Variants in ZFHX3 observed in about 807,000 individuals in gnomAD.
ZFHX3 encodes the protein zinc finger homeobox protein 3.
ZFHX3 carries 42 observed loss-of-function variants against 279.1 expected under a neutral mutation model. The ratio of observed to expected loss-of-function variants is 0.15; its 90% CI spans 0.12 to 0.19. ZFHX3 has a LOEUF of 0.19. Ranked by LOEUF, ZFHX3 falls within the 10% of genes least tolerant of loss-of-function variation. ZFHX3 has a pLI of 1.00. For missense variants in ZFHX3, 4,981 were observed against 4,754.0 expected (o/e 1.05, Z -1.40); for synonymous variants, 2,293 against 1,957.8 (o/e 1.17, Z -4.52).
chr16:73,688,254 G>A (rs2053111572), intron 1 of ZFHX3, among the ~76,000 whole-genome samples: 3 of 151,698 alleles, frequency 2.0e-5, no homozygotes, highest in Admixed American at 2.0e-4. Context: ...CTACTCAGGA[G>A]GCTGAGGCAG....
At chr16:73,010,293 G>C (rs1315263898) in intron 1 of ZFHX3, among the ~76,000 whole-genome samples, 2 of 152,164 alleles carry the variant, frequency 1.3e-5, no homozygotes, top group Non-Finnish European at 2.9e-5. Flanking sequence ...GCCAAATGGA[G>C]TTCAAGACTC....
chr16:73,187,928 G>A (rs568652067), intron 5 of ZFHX3, among the ~76,000 whole-genome samples: 54 of 151,428 alleles, frequency 3.6e-4, no homozygotes, highest in African/African-American at 1.3e-3. Context: ...GCGTGATCTC[G>A]GCTCACTGCA....
At chr16:73,782,930 C>G (rs973964652) in intron 1 of ZFHX3, among the ~76,000 whole-genome samples, 3 of 152,224 alleles carry the variant, frequency 2.0e-5, no homozygotes, top group Non-Finnish European at 4.4e-5. Flanking sequence ...ACAACCTAAT[C>G]TATTCCAACT....
chr16:73,459,812 C>T (rs1026516360), intron 2 of ZFHX3, among the ~76,000 whole-genome samples: 4 of 152,014 alleles, frequency 2.6e-5, no homozygotes, highest in African/African-American at 9.7e-5. Flanking sequence ...GGGGAAAGAG[C>T]CCCTTACAAA....
At chr16:73,174,424 A>C (rs1967612947) in intron 5 of ZFHX3, among the ~76,000 whole-genome samples, 1 of 152,168 alleles carries the variant, frequency 6.6e-6, no homozygotes, top group African/African-American at 2.4e-5. Flanking sequence ...AATTTCAAGG[A>C]ATCTATTCCG....
chr16:73,869,963 G>A (rs961055645), intron 1 of ZFHX3, among the ~76,000 whole-genome samples: 6 of 152,142 alleles, frequency 3.9e-5, no homozygotes, highest in African/African-American at 9.7e-5. Flanking sequence ...TCCAATTCTC[G>A]TGTATCTTCT....
intron 1 of ZFHX3, among the ~76,000 whole-genome samples, chr16:73,801,981 G>T (rs558340490): frequency 6.6e-6 from 1 of 152,086 alleles, no homozygotes; most frequent in African/African-American, 2.4e-5. Context: ...TCTCCTCGCC[G>T]TTAGAGGAAC....
rs535447521 is a variant in ZFHX3, at chr16:72,983,694, A to G, written c.-49-23500T>C. Among the ~76,000 whole-genome samples, 20 of 151,738 alleles carry G rather than the reference A, an allele frequency of 1.3e-4. 1 individual carries two copies. In the South Asian group the frequency reaches 1.5e-3, roughly 11 times the overall value. ...TGCACTCCAGCCTGGGTGACAGATC[A>G]AGATCTTGTCTCAGAAAAAAAAAAA... On this transcript the variant is annotated intron_variant, in intron 1 of 9. Transcript: ENST00000268489.
At chr16:73,555,841 AAAAAG>A (rs1322732055) in intron 2 of ZFHX3, among the ~76,000 whole-genome samples, 4 of 152,158 alleles carry the variant, frequency 2.6e-5, no homozygotes, top group South Asian at 2.1e-4. Flanking sequence ...TCAAAAAAAA[AAAAAG>A]AAAAGAAAAG....
At chr16:73,105,929 A>ACCCCCCCCCCCCACCCCCCCCCCCAC (rs34679627) in intron 7 of ZFHX3, among the ~76,000 whole-genome samples, 1 of 110,846 alleles carries the variant, frequency 9.0e-6, no homozygotes, top group Admixed American at 9.9e-5. Context: ...ATGTACACGG[A>ACCCCCCCCCCCCACCCCCCCCCCCAC]CCCCCTCCCC....
chr16:72,859,068 C>A (rs2037820561), intron 4 of ZFHX3, among the ~76,000 whole-genome samples: 2 of 152,248 alleles, frequency 1.3e-5, no homozygotes, highest in Admixed American at 1.3e-4. Context: ...GGCTTCTGTG[C>A]CTCTGAAAGC....
intron 1 of ZFHX3, among the ~76,000 whole-genome samples, chr16:73,774,863 G>C (rs1458170316): frequency 6.6e-6 from 1 of 152,156 alleles, no homozygotes; most frequent in African/African-American, 2.4e-5. Context: ...CCTGAACCTT[G>C]CATGAATTGC....
chr16:73,041,213 G>A (rs555683247), intron 1 of ZFHX3, among the ~76,000 whole-genome samples: 9 of 152,234 alleles, frequency 5.9e-5, no homozygotes, highest in African/African-American at 1.4e-4. Context: ...CTGGGAGTCC[G>A]CACCAGGATT....
Position 72,804,569 on chromosome 16 carries a change from C to G in ZFHX3, c.3865-4440G>C, listed in dbSNP as rs556664512. Among the ~76,000 whole-genome samples, 15 of 152,228 alleles carry G rather than the reference C, an allele frequency of 9.9e-5. No homozygotes were observed. The South Asian group carries it at 2.1e-3, about 21-fold the overall frequency. ...CATAAATACATAGTTCCAAGCTCTT[C>G]CTAGTTTGGTTCATTATTATTTTGG... On this transcript the variant is annotated intron_variant, in intron 7 of 9. Transcript: ENST00000268489.
At chr16:73,869,406 C>T (rs942186825) in intron 1 of ZFHX3, among the ~76,000 whole-genome samples, 5 of 152,158 alleles carry the variant, frequency 3.3e-5, no homozygotes, top group African/African-American at 9.7e-5. Context: ...ATACCACAAA[C>T]GCTAAGCAAC....
At chr16:73,030,656 A>C (rs946319540) in intron 1 of ZFHX3, among the ~76,000 whole-genome samples, 2 of 152,128 alleles carry the variant, frequency 1.3e-5, no homozygotes, top group African/African-American at 4.8e-5. Flanking sequence ...AAAGAAGAAG[A>C]AACAGGAAGC....
intron 8 of ZFHX3, among the ~76,000 whole-genome samples, chr16:73,066,138 C>T (rs952164050): frequency 2.0e-5 from 3 of 152,240 alleles, no homozygotes; most frequent in African/African-American, 7.2e-5. Context: ...CCTGTGGACT[C>T]GGGGCGCGCC....
chr16:73,106,225 A>G (rs536119189), intron 7 of ZFHX3, among the ~76,000 whole-genome samples: 9 of 151,852 alleles, frequency 5.9e-5, no homozygotes, highest in African/African-American at 2.2e-4. Context: ...TTTTTTTTCC[A>G]TGCCCACTGC....
intron 2 of ZFHX3, among the ~76,000 whole-genome samples, chr16:73,466,818 A>G (rs1311903989): frequency 2.0e-5 from 3 of 152,184 alleles, no homozygotes; most frequent in Non-Finnish European, 4.4e-5. Context: ...GAGATCTCAT[A>G]TTCTGAAATT....
Sources: gnomAD v4.1 joint callset for allele counts (sites outside exome capture counted in the v4.1 genomes callset) on GRCh38, gnomAD v4.1.1 for gene constraint, MANE v1.5 for transcripts, NCBI Gene and HGNC (gene_info 2026-07-23, HGNC 2026-07-21) for gene names.